HTRA3: variants seen among roughly 807,000 people sequenced by gnomAD.
The protein encoded by HTRA3 is HtrA serine peptidase 3, also known as serine protease HTRA3.
HTRA3 carries 41 observed loss-of-function variants against 43.2 expected under a neutral mutation model. The observed-to-expected ratio is 0.95, with a 90% CI of 0.74 to 1.23. The LOEUF is 1.23. Among genes scored for constraint, HTRA3 ranks in the 50% most tolerant of loss-of-function variants. The pLI, the probability that HTRA3 is intolerant of heterozygous loss-of-function variation, is 0.00. For synonymous variants in HTRA3, 295 were observed against 287.9 expected (o/e 1.02, Z -0.25); for missense variants, 628 against 647.1 (o/e 0.97, Z 0.32).
intron 5 of HTRA3, 40 bp downstream of exon 5, chr4:8,292,393 G>A (rs1447854382): frequency 1.9e-6 from 3 of 1,584,182 alleles, no homozygotes; most frequent in African/African-American, 1.3e-5. Flanking sequence ...AGGTTTCTGG[G>A]GTTCTTCTCA....
At chr4:8,270,414 G>A (rs1392982911) in intron 1 of HTRA3, 61 bp downstream of exon 1, 14 of 1,359,620 alleles carry the variant, frequency 1.0e-5, no homozygotes, top group Non-Finnish European at 1.3e-5. Flanking sequence ...ACTAAGGCCG[G>A]GAGTTAGGGC....
At chr4:8,281,278 C>T (rs534087444) in intron 1 of HTRA3, among the ~76,000 whole-genome samples, 7 of 152,188 alleles carry the variant, frequency 4.6e-5, no homozygotes, top group Admixed American at 2.6e-4. Flanking sequence ...TCCCCATGCC[C>T]GGCCACTTCC....
At position 8,279,067 on chromosome 4, in the gene HTRA3, A is replaced by C. The variant is rs186829930; in HGVS notation, c.386-3370A>C. Among the ~76,000 whole-genome samples the C allele has an allele frequency of 1.3e-5, 2 of 148,440 alleles. No homozygotes were observed. Among genetic ancestry groups the C allele is most frequent in the African/African-American group, 2.5e-5 (1 of 39,990 alleles). On this transcript the variant is annotated intron_variant, in intron 1 of 8. Transcript: ENST00000307358. This position sits in a 1 kb window ranked among gnomAD's most constrained non-coding sequence, Gnocchi z 7.4. ...GCTGTCTCACCCTGTGCTGGTTACC[A>C]CTGGGGTGTGGAAGCGAACCAGATG...
At chr4:8,299,733 T>C (rs1713572722) in intron 6 of HTRA3, among the ~76,000 whole-genome samples, 2 of 152,226 alleles carry the variant, frequency 1.3e-5, no homozygotes. Flanking sequence ...ATGGTGTTCC[T>C]TTCTAGTCTG....
intron 3 of HTRA3, among the ~76,000 whole-genome samples, chr4:8,288,641 C>T (rs1263343557): frequency 3.3e-5 from 5 of 150,460 alleles, no homozygotes; most frequent in East Asian, 2.0e-4. Context: ...AGCAGGATCT[C>T]GGCTCACTGC....
At chr4:8,281,086 GT>G (rs376299660) in intron 1 of HTRA3, among the ~76,000 whole-genome samples, 22 of 152,336 alleles carry the variant, frequency 1.4e-4, no homozygotes, top group African/African-American at 4.8e-4. Context: ...TAGAGGAAAA[GT>G]TTCCTTCCCC....
Position 8,282,021 on chromosome 4 carries a change from G to A in HTRA3, c.386-416G>A, listed in dbSNP as rs10938706. On this transcript the variant is annotated intron_variant, in intron 1 of 8. Transcript: ENST00000307358. ...ACCAGCTGGAGCCCATGAGGAGAGG[G>A]CCAGTTCTCTCCTGTAAGGGTATTG... Among the ~76,000 whole-genome samples the A allele has an allele frequency of 3.6e-3, 542 of 151,982 alleles. 1 individual carries two copies. Among genetic ancestry groups the A allele is most frequent in the African/African-American group, 0.012 (516 of 41,412 alleles).
rs552741077 is a variant in HTRA3 at position 8,287,816 on chromosome 4, C to T, written c.708+1033C>T. Among the ~76,000 whole-genome samples the T allele has an allele frequency of 2.3e-4, 35 of 152,326 alleles. 1 individual carries two copies. The South Asian group carries it at 7.0e-3, about 31-fold the overall frequency. On this transcript the variant is annotated intron_variant, in intron 3 of 8. Transcript: ENST00000307358. ...AAGTTAGGTAACTCGTCCAAGATCA[C>T]AGCGCACTGGAGCAGGGCTGGCCCG...
intron 1 of HTRA3, among the ~76,000 whole-genome samples, chr4:8,281,732 TGGCAGCCACAGCCCCTACTGCTGAC>T (rs1486578571): frequency 6.6e-6 from 1 of 152,230 alleles, no homozygotes; most frequent in Non-Finnish European, 1.5e-5. Flanking sequence ...CCTGTGGTCC[TGGCAGCCACAGCCCCTACTGCTGAC>T]GGCAGCAGGA....
At chr4:8,277,037 G>A (rs1336435425) in intron 1 of HTRA3, among the ~76,000 whole-genome samples, 2 of 152,244 alleles carry the variant, frequency 1.3e-5, no homozygotes, top group African/African-American at 2.4e-5. Context: ...TGGAGGGGGA[G>A]GCAGCGGGTT....
At chr4:8,277,013 C>T (rs114080467) in intron 1 of HTRA3, among the ~76,000 whole-genome samples, 3,552 of 152,344 alleles carry the variant, frequency 0.023, 70 homozygotes, top group African/African-American at 0.056. Context: ...GTCCCGCCTG[C>T]GAGGTGTGGC....
Position 8,306,103 on chromosome 4 carries a change from C to T in HTRA3, c.1329C>T (p.Leu443=), listed in dbSNP as rs1034829574. 3 of 1,604,568 alleles carry T rather than the reference C, an allele frequency of 1.9e-6. No individual in the cohort carries two copies. The highest frequency in any genetic ancestry group is 2.7e-5 in the African/African-American group (2 of 74,718). The part of the protein sequence containing the change: ...LLEVRRGNDD[L]LFSIAPEVVM ...AGGTGCGGCGGGGGAACGACGACCT[C>T]CTCTTCAGCATCGCACCTGAGGTGG... The change falls in exon 9 of 9, where the codon CTC becomes CTT. Residue 443 remains leucine, a synonymous_variant. Transcript: ENST00000307358. The surrounding 1 kb of genome is among the most constrained non-coding windows in gnomAD (Gnocchi z 8.9).
Position 8,291,574 on chromosome 4 carries a change from A to G in HTRA3, c.903+10A>G. On this transcript the variant is annotated intron_variant, in intron 4 of 8. Coordinates refer to ENST00000307358, the MANE Select transcript of HTRA3 (RefSeq NM_053044.5). Reference sequence around the variant, plus strand: ...GGATGCCATCATCAACGTGAGTCCCAGGGACAGGAGGCCGGGGCACCTGCC... The same window carrying G: ...GGATGCCATCATCAACGTGAGTCCCGGGGACAGGAGGCCGGGGCACCTGCC... The G allele has an allele frequency of 1.3e-6, 2 of 1,551,098 alleles. No homozygotes were observed. Among genetic ancestry groups the G allele is most frequent in the Non-Finnish European group, 1.7e-6 (2 of 1,146,074 alleles).
At chr4:8,305,871 A>G in intron 8 of HTRA3, 100 bp from the exon 9 acceptor site, 1 of 1,318,494 alleles carries the variant, frequency 7.6e-7, no homozygotes, top group Middle Eastern at 2.2e-4. Context: ...TTTTGTTGAA[A>G]TGTTGTCATT....
intron 1 of HTRA3, among the ~76,000 whole-genome samples, chr4:8,280,897 A>AG (rs1712718399): frequency 6.6e-6 from 1 of 152,116 alleles, no homozygotes; most frequent in Admixed American, 6.5e-5. Flanking sequence ...CCAACCCCCT[A>AG]GGTCCCAGCT....
chr4:8,285,488 C>T (rs2153005147), intron 2 of HTRA3, among the ~76,000 whole-genome samples: 1 of 152,306 alleles, frequency 6.6e-6, no homozygotes, highest in Admixed American at 6.5e-5. Flanking sequence ...CCTGCACGTG[C>T]CAGACGTTTC....
At chr4:8,270,649 C>G (rs868626799) in intron 1 of HTRA3, among the ~76,000 whole-genome samples, 2 of 152,222 alleles carry the variant, frequency 1.3e-5, no homozygotes, top group African/African-American at 4.8e-5. Flanking sequence ...ACTGATGTCT[C>G]GTGCCCATTC....
chr4:8,290,473 C>G (rs1442607725), intron 3 of HTRA3, among the ~76,000 whole-genome samples: 1 of 152,184 alleles, frequency 6.6e-6, no homozygotes, highest in Non-Finnish European at 1.5e-5. Context: ...ATCGCAGATC[C>G]ACGGGAAGCT....
intron 2 of HTRA3, among the ~76,000 whole-genome samples, chr4:8,285,676 G>A (rs1421897069): frequency 2.6e-5 from 4 of 152,252 alleles, no homozygotes; most frequent in South Asian, 2.1e-4. Flanking sequence ...ATGTGGGGCT[G>A]TGGTTTCTAC....
Sources: allele counts gnomAD v4.1 joint callset (sites outside exome capture counted in the v4.1 genomes callset), GRCh38; gene constraint gnomAD v4.1.1; non-coding constraint Gnocchi (gnomAD v3.1); transcripts MANE v1.5; gene names NCBI Gene and HGNC (gene_info 2026-07-23, HGNC 2026-07-21).